The following PPM1L variants were observed in gnomAD, a reference collection of about 807,000 sequenced individuals.
PPM1L encodes the protein protein phosphatase, Mg2+/Mn2+ dependent 1L, also known as protein phosphatase 1L.
Under a neutral mutation model 31.4 loss-of-function variants are expected in PPM1L, and 13 were observed. The ratio of observed to expected loss-of-function variants is 0.41; its 90% CI spans 0.27 to 0.66. The LOEUF is 0.66. PPM1L is among the 30% of genes least tolerant of loss of function. The pLI is 0.29. For synonymous variants in PPM1L, 184 were observed against 175.4 expected (o/e 1.05, Z -0.39); for missense variants, 326 against 453.7 (o/e 0.72, Z 2.56).
At chr3:160,889,666 C>G (rs1341555608) in intron 1 of PPM1L, among the ~76,000 whole-genome samples, 1 of 152,164 alleles carries the variant, frequency 6.6e-6, no homozygotes, top group East Asian at 1.9e-4. Flanking sequence ...CCAGCATCAT[C>G]CTGATACCAA....
intron 1 of PPM1L, among the ~76,000 whole-genome samples, chr3:160,861,577 T>C (rs935067991): frequency 5.3e-5 from 8 of 152,178 alleles, no homozygotes; most frequent in African/African-American, 1.7e-4. Flanking sequence ...AGTTTCCTAA[T>C]CTGTATAGCG....
chr3:160,855,659 C>T lies in PPM1L; in HGVS notation c.399+98952C>T, dbSNP rs72619309. Among the ~76,000 whole-genome samples the T allele has an allele frequency of 3.6e-4, 55 of 152,132 alleles. No individual in the cohort carries two copies. In the East Asian group the frequency reaches 6.6e-3, roughly 18 times the overall value. Reference sequence around the variant, plus strand: ...TCAGATACAAATCAAAACCACAGTGCGATACCATTTCACACAAGTCAGAAT... The same window carrying T: ...TCAGATACAAATCAAAACCACAGTGTGATACCATTTCACACAAGTCAGAAT... On this transcript the variant is annotated intron_variant, in intron 1 of 3. Transcript: ENST00000498165.
intron 1 of PPM1L, among the ~76,000 whole-genome samples, chr3:160,860,829 G>T (rs1323498707): frequency 6.6e-6 from 1 of 152,100 alleles, no homozygotes; most frequent in Non-Finnish European, 1.5e-5. Context: ...TGTACAAGGT[G>T]GAAAGAGATC....
intron 2 of PPM1L, among the ~76,000 whole-genome samples, chr3:160,971,246 G>C (rs989402964): frequency 6.6e-6 from 1 of 152,158 alleles, no homozygotes; most frequent in Non-Finnish European, 1.5e-5. Flanking sequence ...TATTGGATTA[G>C]ATATTTTCTT....
rs540229874 is a variant in PPM1L at position 160,817,622 on chromosome 3, ATTTT to A, written c.399+60917_399+60920del. Among the ~76,000 whole-genome samples, 477 of 151,880 alleles carry A rather than the reference ATTTT, an allele frequency of 3.1e-3. 1 individual carries two copies. Among genetic ancestry groups the A allele is most frequent in the Non-Finnish European group, 4.7e-3 (317 of 67,866 alleles). ...TGTGTTGGCATTTTTCTGTTTTCTT[ATTTT>A]TGCAGGTCATGTCCTAATTTTGGGT... On this transcript the variant is annotated intron_variant, in intron 1 of 3. Coordinates refer to ENST00000498165, the MANE Select transcript of PPM1L (RefSeq NM_139245.4).
At chr3:160,900,132 CTG>C (rs1263215306) in intron 1 of PPM1L, among the ~76,000 whole-genome samples, 6 of 152,004 alleles carry the variant, frequency 3.9e-5, no homozygotes, top group Non-Finnish European at 7.4e-5. Context: ...TAAATTCACT[CTG>C]TTATGAATAT....
At chr3:161,012,273 C>A (rs6441348) in intron 2 of PPM1L, among the ~76,000 whole-genome samples, 95,458 of 151,942 alleles carry the variant, frequency 0.63, 32,437 homozygotes, top group East Asian at 0.98. Context: ...CTATTGAGAT[C>A]ATCATGTGGT....
At chr3:160,897,116 C>T (rs1273381677) in intron 1 of PPM1L, among the ~76,000 whole-genome samples, 2 of 147,078 alleles carry the variant, frequency 1.4e-5, no homozygotes, top group Non-Finnish European at 3.0e-5. Flanking sequence ...GATCTTGGCT[C>T]ACTGCAACCT....
chr3:160,930,124 G>A (rs12690576), intron 1 of PPM1L, among the ~76,000 whole-genome samples: 50,390 of 152,024 alleles, frequency 0.33, 8,470 homozygotes, highest in East Asian at 0.46. Flanking sequence ...TTTGAATGTG[G>A]GTTAGGGCTT....
chr3:160,768,128 T>G (rs1189993696), intron 1 of PPM1L, among the ~76,000 whole-genome samples: 2 of 152,256 alleles, frequency 1.3e-5, no homozygotes, highest in African/African-American at 2.4e-5. Context: ...AAGTTTTTAC[T>G]TCTGGTTTAT....
intron 1 of PPM1L, among the ~76,000 whole-genome samples, chr3:160,940,435 C>T (rs1715123961): frequency 6.6e-6 from 1 of 152,138 alleles, no homozygotes; most frequent in Admixed American, 6.5e-5. Context: ...GGCCTGGAGG[C>T]CCGGGAGGAA....
intron 2 of PPM1L, among the ~76,000 whole-genome samples, chr3:160,982,047 T>TA (rs1205577166): frequency 6.6e-6 from 1 of 152,212 alleles, no homozygotes; most frequent in Non-Finnish European, 1.5e-5. Context: ...ATTACAGGCA[T>TA]AAGCCACTGC....
intron 3 of PPM1L, among the ~76,000 whole-genome samples, chr3:161,066,250 T>TATTC (rs1180324969): frequency 6.6e-6 from 1 of 152,244 alleles, no homozygotes; most frequent in Non-Finnish European, 1.5e-5. Context: ...AGGGGTCCCT[T>TATTC]ATTCATTCAT....
chr3:160,758,909 AT>A (rs1189844152), intron 1 of PPM1L, among the ~76,000 whole-genome samples: 3 of 152,156 alleles, frequency 2.0e-5, no homozygotes, highest in African/African-American at 7.2e-5. Context: ...AAAATAGAGT[AT>A]TTGTTCTGTT....
intron 1 of PPM1L, among the ~76,000 whole-genome samples, chr3:160,804,982 C>T (rs1712553634): frequency 6.6e-6 from 1 of 152,206 alleles, no homozygotes; most frequent in Non-Finnish European, 1.5e-5. Flanking sequence ...AAGGGAAATA[C>T]TCTCTGGAGA....
Position 161,065,567 on chromosome 3 carries a change from G to A in PPM1L, c.736+3G>A. 2 of 1,612,606 alleles carry A rather than the reference G, an allele frequency of 1.2e-6. No individual in the cohort carries two copies. Among genetic ancestry groups the A allele is most frequent in the Non-Finnish European group, 8.5e-7 (1 of 1,178,908 alleles). ...AAGAAAGAGGATAAAGAGAGCAGGT[G>A]AGCTTGTGAACACCTCCAAGAAATG... On this transcript the variant is annotated splice_donor_region_variant and intron_variant, in intron 3 of 3. Coordinates refer to ENST00000498165, the MANE Select transcript of PPM1L (RefSeq NM_139245.4).
At chr3:160,789,710 CAT>C (rs1451717541) in intron 1 of PPM1L, among the ~76,000 whole-genome samples, 1 of 151,786 alleles carries the variant, frequency 6.6e-6, no homozygotes, top group African/African-American at 2.4e-5. Context: ...TACATATGAT[CAT>C]AGTTTTTTTT....
At chr3:160,869,260 T>C (rs908331175) in intron 1 of PPM1L, among the ~76,000 whole-genome samples, 1 of 152,216 alleles carries the variant, frequency 6.6e-6, no homozygotes, top group African/African-American at 2.4e-5. Flanking sequence ...AACTGGACTT[T>C]TAGGAGCAGC....
At chr3:160,858,395 T>C (rs1219863550) in intron 1 of PPM1L, among the ~76,000 whole-genome samples, 2 of 152,136 alleles carry the variant, frequency 1.3e-5, no homozygotes, top group Non-Finnish European at 2.9e-5. Flanking sequence ...TGCAGGAGCC[T>C]GCCACCACGC....
Sources: allele counts gnomAD v4.1 joint callset (sites outside exome capture counted in the v4.1 genomes callset), GRCh38; gene constraint gnomAD v4.1.1; transcripts MANE v1.5; gene names NCBI Gene and HGNC (gene_info 2026-07-23, HGNC 2026-07-21).